SVEP1: variants seen among roughly 807,000 people sequenced by gnomAD.
The protein encoded by SVEP1 is sushi, von Willebrand factor type A, EGF and pentraxin domain-containing protein 1.
In SVEP1, 164 loss-of-function variants were observed where a neutral mutation model predicts 367.3. The ratio of observed to expected loss-of-function variants is 0.45; its 90% CI spans 0.39 to 0.51. SVEP1 has a LOEUF of 0.51. SVEP1 is among the 20% of genes least tolerant of loss of function. SVEP1 has a pLI of 0.00. For synonymous variants in SVEP1, 1,666 were observed against 1,611.6 expected, an observed-to-expected ratio of 1.03 and a Z score of -0.81; for missense variants, 4,117 against 4,425.3, an observed-to-expected ratio of 0.93 and a Z score of 1.98.
chr9:110,532,707 T>C (rs1352994312), intron 3 of SVEP1, among the ~76,000 whole-genome samples: 2 of 152,130 alleles, frequency 1.3e-5, no homozygotes, highest in Non-Finnish European at 2.9e-5. Context: ...TTTCTTAACG[T>C]CAATATTATT....
intron 15 of SVEP1, among the ~76,000 whole-genome samples, 192 bp downstream of exon 15, chr9:110,471,967 C>T (rs564182535): frequency 1.3e-5 from 2 of 152,194 alleles, no homozygotes; most frequent in East Asian, 3.9e-4. Flanking sequence ...GTGCTTTTCG[C>T]CGTGAGACCT....
At chr9:110,388,738 G>A (rs891683690) in intron 41 of SVEP1, among the ~76,000 whole-genome samples, 4 of 152,128 alleles carry the variant, frequency 2.6e-5, no homozygotes, top group Non-Finnish European at 5.9e-5. Context: ...GGAGGCTGAG[G>A]AGCATGGATT....
intron 1 of SVEP1, among the ~76,000 whole-genome samples, chr9:110,552,110 C>G (rs924779537): frequency 1.4e-5 from 2 of 145,126 alleles, no homozygotes; most frequent in Non-Finnish European, 3.0e-5. Context: ...CGGCTCACTG[C>G]AACCTCCGCC....
chr9:110,497,114 A>G (rs1829462706), intron 7 of SVEP1, among the ~76,000 whole-genome samples, 181 bp from the exon 8 acceptor site: 1 of 152,200 alleles, frequency 6.6e-6, no homozygotes, highest in South Asian at 2.1e-4. Flanking sequence ...ATGGCTTACG[A>G]GCCCAATCTT....
chr9:110,570,966 GCTC>G (rs1329725162), intron 1 of SVEP1, among the ~76,000 whole-genome samples: 54 of 142,558 alleles, frequency 3.8e-4, no homozygotes, highest in Middle Eastern at 3.7e-3. Flanking sequence ...CTTCCAGATG[GCTC>G]CTTTTTTTTT....
chr9:110,434,112 C>T (rs1828395228), intron 30 of SVEP1, among the ~76,000 whole-genome samples: 1 of 152,152 alleles, frequency 6.6e-6, no homozygotes, highest in Non-Finnish European at 1.5e-5. Context: ...CCTTTCAGTT[C>T]CTTGCATCAC....
intron 18 of SVEP1, among the ~76,000 whole-genome samples, chr9:110,464,922 C>T (rs1828911950): frequency 6.6e-6 from 1 of 152,046 alleles, no homozygotes; most frequent in Non-Finnish European, 1.5e-5. Context: ...ACTGTCAGTC[C>T]TAATTTCATT....
At chr9:110,556,457 A>C (rs781051270) in intron 1 of SVEP1, among the ~76,000 whole-genome samples, 29 of 152,174 alleles carry the variant, frequency 1.9e-4, no homozygotes, top group Admixed American at 3.3e-4. Context: ...CACTGAAAAT[A>C]CTAACTAGAG....
chr9:110,411,658 G>T lies in SVEP1; in HGVS notation c.6053C>A (p.Ala2018Asp). Residue 2018 changes from alanine (A) to aspartate (D), a missense_variant, in exon 37 of 48, where the codon GCT becomes GAT. By Grantham distance (126) the Ala-to-Asp change is moderately radical. Coordinates refer to ENST00000374469, the MANE Select transcript of SVEP1 (RefSeq NM_153366.4). ...KWSRSDQQCL[A>D]VSCDEPPIVD... is the part of the protein sequence containing the mutation. ...AATGGGTGGCTCATCACAGGAGACAGCCAGGCACTGCTGGTCACTTCTACT... is the reference window on the plus strand; with the variant it reads ...AATGGGTGGCTCATCACAGGAGACATCCAGGCACTGCTGGTCACTTCTACT... 1 of 1,608,080 alleles carries T rather than the reference G, an allele frequency of 6.2e-7. No individual in the cohort carries two copies. The highest frequency in any genetic ancestry group is 1.7e-5 in the Admixed American group (1 of 59,048).
intron 3 of SVEP1, 130 bp downstream of exon 3, chr9:110,545,985 C>T: frequency 8.5e-7 from 1 of 1,171,592 alleles, no homozygotes; most frequent in Non-Finnish European, 1.2e-6. Flanking sequence ...AGCTGAAGCC[C>T]CAAAGAGATG....
chr9:110,561,647 T>C (rs1006444017), intron 1 of SVEP1, among the ~76,000 whole-genome samples: 4 of 152,196 alleles, frequency 2.6e-5, no homozygotes, highest in Non-Finnish European at 5.9e-5. Context: ...ATCTATCATA[T>C]ACCAGGCACT....
chr9:110,552,265 C>T (rs1830299255), intron 1 of SVEP1, among the ~76,000 whole-genome samples: 1 of 151,648 alleles, frequency 6.6e-6, no homozygotes, highest in South Asian at 2.1e-4. Flanking sequence ...CTCCTGACCT[C>T]GTGATCCACC....
Position 110,550,110 on chromosome 9 carries a change from A to G in SVEP1, c.532-6T>C. 6.2e-7 allele frequency: 1 copy of G among 1,613,608 alleles called. No homozygotes were observed. Among genetic ancestry groups the G allele is most frequent in the Non-Finnish European group, 8.5e-7 (1 of 1,179,522 alleles). On this transcript the variant is annotated splice_region_variant and splice_polypyrimidine_tract_variant and intron_variant, in intron 1 of 47. Transcript: ENST00000374469. Reference sequence around the variant, plus strand: ...CTAGCATGAAGAAGAATTTGCTGTAATGAAATGGGGAAAGTTAATATGAGT... The same window carrying G: ...CTAGCATGAAGAAGAATTTGCTGTAGTGAAATGGGGAAAGTTAATATGAGT...
chr9:110,439,456 C>T (rs1289831252), intron 27 of SVEP1, among the ~76,000 whole-genome samples: 1 of 152,096 alleles, frequency 6.6e-6, no homozygotes, highest in African/African-American at 2.4e-5. Context: ...TGCAGTGGCG[C>T]AATCTCACCT....
At position 110,435,581 on chromosome 9, in the gene SVEP1, G is replaced by A. The variant is rs369259722; in HGVS notation, c.4765-217C>T. Among the ~76,000 whole-genome samples the A allele has an allele frequency of 1.5e-3, 224 of 152,122 alleles. 1 individual carries two copies. The highest frequency in any genetic ancestry group is 4.8e-3 in the African/African-American group (200 of 41,496). On this transcript the variant is annotated intron_variant, in intron 28 of 47. Coordinates refer to ENST00000374469, the MANE Select transcript of SVEP1 (RefSeq NM_153366.4). ...CCCAGCTACTTCTCCCACTAGACTC[G>A]TTGTTGCCTGAAATTTTGGAATCCT...
intron 3 of SVEP1, among the ~76,000 whole-genome samples, chr9:110,543,266 T>A (rs1481592537): frequency 6.6e-6 from 1 of 152,128 alleles, no homozygotes; most frequent in South Asian, 2.1e-4. Flanking sequence ...GATGACCATA[T>A]GAAAATTTGT....
At chr9:110,424,793 G>A (rs1379555559) in intron 36 of SVEP1, among the ~76,000 whole-genome samples, 1 of 152,158 alleles carries the variant, frequency 6.6e-6, no homozygotes. Context: ...TCCCGCCTCA[G>A]CCTCCCGAGT....
intron 3 of SVEP1, among the ~76,000 whole-genome samples, chr9:110,524,228 C>T (rs924536628): frequency 3.9e-5 from 6 of 151,994 alleles, no homozygotes; most frequent in African/African-American, 9.7e-5. Flanking sequence ...TGCCAAATAT[C>T]TACCAAAAAA....
chr9:110,376,030 C>T (rs748033386), intron 45 of SVEP1, among the ~76,000 whole-genome samples: 9 of 152,172 alleles, frequency 5.9e-5, no homozygotes, highest in Non-Finnish European at 1.0e-4. Flanking sequence ...ATCATTCCTC[C>T]TCCTAGAAAT....
Sources: allele counts gnomAD v4.1 joint callset (sites outside exome capture counted in the v4.1 genomes callset), GRCh38; gene constraint gnomAD v4.1.1; transcripts MANE v1.5; gene names NCBI Gene and HGNC (gene_info 2026-07-23, HGNC 2026-07-21).